The following TEF variants were observed in gnomAD, a reference collection of about 807,000 sequenced individuals.
TEF encodes the protein thyrotroph embryonic factor.
In TEF, 3 loss-of-function variants were observed where a neutral mutation model predicts 20.8. The observed-to-expected ratio is 0.14, with a 90% CI of 0.07 to 0.37. The LOEUF (loss-of-function observed/expected upper bound fraction) is 0.37. Among genes scored for constraint, TEF ranks in the 10% least tolerant of loss-of-function variants. The pLI, the probability that TEF is intolerant of heterozygous loss-of-function variation, is 1.00. For synonymous variants in TEF, 180 were observed against 171.1 expected (o/e 1.05, Z -0.41); for missense variants, 296 against 397.9 (o/e 0.74, Z 2.18).
chr22:41,370,167 T>A lies in TEF; in HGVS notation c.67+2568T>A, dbSNP rs531619338. ...GTCTTGCTCTATCGCCAGGCTGGAG[T>A]GCAGTGGTGCTATCTCGGCTCACTG... is the stretch of plus-strand genomic sequence containing the variant. On this transcript the variant is annotated intron_variant, in intron 1 of 3. Coordinates refer to the TEF transcript ENST00000406644. The A allele has an allele frequency of 3.3e-5, 30 of 900,154 alleles. No individual in the cohort carries two copies. In the South Asian group the frequency reaches 1.3e-3, roughly 38 times the overall value. 55.8% of individuals were successfully genotyped at this position (900,154 alleles called of 1,614,324 possible).
intron 1 of TEF, among the ~76,000 whole-genome samples, chr22:41,384,769 C>G (rs1048121371): frequency 6.6e-6 from 1 of 151,464 alleles, no homozygotes; most frequent in African/African-American, 2.4e-5. Context: ...TTTTTTCTTT[C>G]GAGACAGACT....
upstream of TEF, among the ~76,000 whole-genome samples, chr22:41,380,977 C>T (rs1273238888): frequency 6.6e-6 from 1 of 152,222 alleles, no homozygotes; most frequent in Non-Finnish European, 1.5e-5. Context: ...AGGAAACAAG[C>T]TCCAGTGAAG....
chr22:41,386,992 C>T (rs888863690), intron 1 of TEF, among the ~76,000 whole-genome samples: 1 of 152,060 alleles, frequency 6.6e-6, no homozygotes. Flanking sequence ...TGCAGCGAGC[C>T]GAAATTGGGT....
intron 1 of TEF, among the ~76,000 whole-genome samples, chr22:41,371,732 A>T (rs893463127): frequency 2.0e-5 from 3 of 152,140 alleles, no homozygotes; most frequent in Non-Finnish European, 2.9e-5. Flanking sequence ...GAAGAACTGG[A>T]TGGTACAAGT....
intron 1 of TEF, among the ~76,000 whole-genome samples, chr22:41,383,310 A>G (rs913057730): frequency 2.0e-5 from 3 of 151,972 alleles, no homozygotes; most frequent in Non-Finnish European, 2.9e-5. Flanking sequence ...CTGCTTTGGG[A>G]CCTCATGTGC....
Position 41,372,409 on chromosome 22 carries a change from G to A in TEF, c.67+4810G>A, listed in dbSNP as rs142805521. Among the ~76,000 whole-genome samples the A allele has an allele frequency of 9.8e-4, 149 of 152,322 alleles. No individual in the cohort carries two copies. In the East Asian group the frequency reaches 0.014, roughly 14 times the overall value. On this transcript the variant is annotated intron_variant, in intron 1 of 3. Coordinates refer to the TEF transcript ENST00000406644. ...ACTTGACAGCCACTGTCTCCTGAGC[G>A]TGAGCCAGGACTGTATTGTGTGTGC...
At chr22:41,387,319 G>A (rs2037110093) in intron 1 of TEF, 32 bp from the exon 2 acceptor site, 3 of 1,611,720 alleles carry the variant, frequency 1.9e-6, no homozygotes, top group African/African-American at 1.3e-5. Flanking sequence ...ACTCTCCTGT[G>A]TGGTATTTCA....
rs2037110411 is a variant in TEF, at chr22:41,387,350, G to A, written c.158-1G>A. ...TTTCATCGCAGATTTTGTTTCTGCAGATAAGGAAAAGGGGAAGGAAAAGCT... is the reference window on the plus strand; with the variant it reads ...TTTCATCGCAGATTTTGTTTCTGCAAATAAGGAAAAGGGGAAGGAAAAGCT... On this transcript the variant is annotated splice_acceptor_variant, in intron 1 of 3. Transcript: ENST00000266304. LOFTEE classifies it high-confidence loss of function. The A allele has an allele frequency of 6.2e-7, 1 of 1,613,936 alleles. No homozygotes were observed. The highest frequency in any genetic ancestry group is 1.3e-5 in the African/African-American group (1 of 74,934).
At chr22:41,376,954 C>T (rs1205538254), upstream of TEF, among the ~76,000 whole-genome samples, 1 of 152,166 alleles carries the variant, frequency 6.6e-6, no homozygotes, top group African/African-American at 2.4e-5. Context: ...TCACTGCTGC[C>T]CCAGGACCCA....
upstream of TEF, among the ~76,000 whole-genome samples, chr22:41,381,710 G>T (rs956435642): frequency 6.6e-6 from 1 of 151,966 alleles, no homozygotes; most frequent in African/African-American, 2.4e-5. Context: ...CACAGGGGCG[G>T]CGGGGCGGGG....
intron 1 of TEF, among the ~76,000 whole-genome samples, chr22:41,371,381 G>T (rs184500095): frequency 2.3e-4 from 35 of 152,286 alleles, no homozygotes; most frequent in Non-Finnish European, 4.6e-4. Context: ...GGGCACTCCT[G>T]ATCTAGAATC....
In TEF at chr22:41,398,293, T is replaced by C. The variant is rs943535760; in HGVS notation, c.*2333T>C. On this transcript the variant is annotated 3_prime_UTR_variant, in exon 4 of 4. Transcript: ENST00000266304. Reference sequence around the variant, plus strand: ...AGTTTCTGTCGAGGGAATGGGAGTCTCCTCGGCTCCCTCCTGGGCCCTCTG... The same window carrying C: ...AGTTTCTGTCGAGGGAATGGGAGTCCCCTCGGCTCCCTCCTGGGCCCTCTG... 4 of 153,674 alleles carry C rather than the reference T, an allele frequency of 2.6e-5. No individual in the cohort carries two copies. The highest frequency in any genetic ancestry group is 4.8e-5 in the African/African-American group (2 of 41,402). The allele number at this position is 153,674 out of a possible 1,614,324, so 9.5% of individuals were successfully genotyped here.
chr22:41,368,914 C>G (rs1050270060), intron 1 of TEF, among the ~76,000 whole-genome samples: 1 of 152,190 alleles, frequency 6.6e-6, no homozygotes, highest in African/African-American at 2.4e-5. Context: ...ATTTGGAGTC[C>G]ACACCCACAA....
At chr22:41,379,613 C>G (rs564268009), upstream of TEF, among the ~76,000 whole-genome samples, 15 of 152,174 alleles carry the variant, frequency 9.9e-5, no homozygotes, top group East Asian at 2.9e-3. Flanking sequence ...GCCTGTAATC[C>G]CAGCACTTTG....
chr22:41,382,789 GGTGTGGGCGAGTA>G, intron 1 of TEF: 2 of 412,122 alleles, frequency 4.9e-6, no homozygotes, highest in Non-Finnish European at 1.0e-5. Flanking sequence ...GGGTGGGGGG[GGTGTGGGCGAGTA>G]GTGTGAGGCG....
intron 1 of TEF, among the ~76,000 whole-genome samples, chr22:41,370,938 T>C (rs1056878619): frequency 1.3e-5 from 2 of 152,172 alleles, no homozygotes; most frequent in African/African-American, 4.8e-5. Context: ...GTTCAAACAA[T>C]TTCTCTTTTG....
At chr22:41,368,039 C>T (rs1238016824) in intron 1 of TEF, among the ~76,000 whole-genome samples, 3 of 152,116 alleles carry the variant, frequency 2.0e-5, no homozygotes, top group Non-Finnish European at 2.9e-5. Context: ...CTGCAGCTCC[C>T]GCTTGCCGGA....
intron 1 of TEF, among the ~76,000 whole-genome samples, chr22:41,370,738 C>A (rs1339516617): frequency 6.6e-6 from 1 of 152,130 alleles, no homozygotes; most frequent in Admixed American, 6.5e-5. Context: ...TTCATTGATG[C>A]CCCTTGAAAC....
At chr22:41,394,716 C>T (rs2037207414) in intron 3 of TEF, among the ~76,000 whole-genome samples, 1 of 152,218 alleles carries the variant, frequency 6.6e-6, no homozygotes, top group African/African-American at 2.4e-5. Context: ...GCTGGTGGTG[C>T]TGTTAGGAAC....
Sources: gnomAD v4.1 joint callset for allele counts (sites outside exome capture counted in the v4.1 genomes callset) on GRCh38, gnomAD v4.1.1 for gene constraint, MANE v1.5 for transcripts, NCBI Gene and HGNC (gene_info 2026-07-23, HGNC 2026-07-21) for gene names.